Variants in SNW1 observed in about 807,000 individuals in gnomAD.
SNW1 encodes SNW domain containing 1.
A neutral mutation model predicts 75.6 loss-of-function variants in SNW1; 9 were observed. The ratio of observed to expected loss-of-function variants is 0.12; its 90% CI spans 0.07 to 0.21. SNW1 has a LOEUF of 0.21. Among genes scored for constraint, SNW1 ranks in the 10% least tolerant of loss-of-function variants. SNW1 has a pLI of 1.00. For missense variants in SNW1, 409 were observed against 670.9 expected, an observed-to-expected ratio of 0.61 and a Z score of 4.31; for synonymous variants, 200 against 219.1, an observed-to-expected ratio of 0.91 and a Z score of 0.77.
chr14:77,743,600 T>A (rs2080735913), intron 3 of SNW1, among the ~76,000 whole-genome samples: 1 of 152,200 alleles, frequency 6.6e-6, no homozygotes, highest in South Asian at 2.1e-4. Context: ...ACAAATTTTT[T>A]AAATCCTATT....
In SNW1 at chr14:77,717,814, T is replaced by G; in HGVS notation, c.*274A>C. 2 of 575,416 alleles carry G rather than the reference T, an allele frequency of 3.5e-6. No homozygotes were observed. The highest frequency in any genetic ancestry group is 6.1e-6 in the Non-Finnish European group (2 of 328,086). The allele number at this position is 575,416 out of a possible 1,614,324, so 35.6% of individuals were successfully genotyped here. A position where few individuals can be genotyped will look rare whatever the true frequency, so the allele number is the denominator to read the frequency against. On this transcript the variant is annotated 3_prime_UTR_variant, in exon 14 of 14. Coordinates refer to ENST00000261531, the MANE Select transcript of SNW1 (RefSeq NM_012245.3). ...TTAACCCCAAACTACTAGTGTCACA[T>G]AAAAGTAAGTGGTCTTGACTTTGTA...
chr14:77,718,257 G>A lies in SNW1; in HGVS notation c.1442C>T (p.Ser481Leu). ...RFVPDKEFSG[S>L]DRRQRGREGP... is the part of the protein sequence containing the mutation. ...TTCTCGGCCTCTCTGTCTACGGTCT[G>A]AACCAGAAAACTCCTTGTCGGGAAC... is the stretch of plus-strand genomic sequence containing the variant. The change falls in exon 14 of 14, where the codon TCA (serine) becomes TTA (leucine). Residue 481 changes from serine (S) to leucine (L), a missense_variant. Physicochemically the swap from Ser to Leu is moderately radical, Grantham distance 145. Around this residue, in one of 9 missense-constraint regions of SNW1, gnomAD observed 126 missense variants for 167.6 expected, o/e 0.75. Coordinates refer to ENST00000261531, the MANE Select transcript of SNW1 (RefSeq NM_012245.3). 1 of 1,613,608 alleles carries A rather than the reference G, an allele frequency of 6.2e-7. No homozygotes were observed. The highest frequency in any genetic ancestry group is 8.5e-7 in the Non-Finnish European group (1 of 1,179,722).
intron 7 of SNW1, among the ~76,000 whole-genome samples, chr14:77,735,623 A>G (rs546042617): frequency 3.9e-5 from 6 of 152,028 alleles, no homozygotes; most frequent in Non-Finnish European, 8.8e-5. Flanking sequence ...CTTTTGATTA[A>G]CAAAACATAT....
intron 3 of SNW1, among the ~76,000 whole-genome samples, chr14:77,747,733 C>T (rs1038327225): frequency 6.8e-6 from 1 of 147,238 alleles, no homozygotes; most frequent in South Asian, 2.1e-4. Context: ...CCGGCAGCCG[C>T]CCCGTCTGGG....
intron 11 of SNW1, among the ~76,000 whole-genome samples, 170 bp downstream of exon 11, chr14:77,723,011 C>T (rs375629232): frequency 6.6e-5 from 10 of 152,036 alleles, no homozygotes; most frequent in African/African-American, 2.2e-4. Flanking sequence ...CCATGCCCGG[C>T]TAATTTTTTG....
At chr14:77,747,105 G>C (rs1333308890) in intron 3 of SNW1, among the ~76,000 whole-genome samples, 1 of 152,194 alleles carries the variant, frequency 6.6e-6, no homozygotes, top group Non-Finnish European at 1.5e-5. Context: ...TTTTGGTGGA[G>C]ATGGGGTTTT....
intron 3 of SNW1, among the ~76,000 whole-genome samples, chr14:77,747,679 G>A (rs543848845): frequency 8.7e-5 from 13 of 150,078 alleles, no homozygotes; most frequent in African/African-American, 2.0e-4. Context: ...GACTCCGCCC[G>A]GCAGCCGCCC....
Position 77,718,279 on chromosome 14 carries a change from G to T in SNW1, c.1420C>A (p.Pro474Thr), listed in dbSNP as rs1169299309. 7.4e-6 allele frequency: 12 copies of T among 1,613,786 alleles called. No individual in the cohort carries two copies. Among genetic ancestry groups the T allele is most frequent in the South Asian group, 1.1e-5 (1 of 91,064 alleles). Residue 474 changes from proline (P) to threonine (T), a missense_variant, in exon 14 of 14, where the codon CCC becomes ACC. By Grantham distance (38) the Pro-to-Thr change is conservative. Coordinates refer to ENST00000261531, the MANE Select transcript of SNW1 (RefSeq NM_012245.3). The stretch of plus-strand genomic sequence containing the variant: ...TCTGAACCAGAAAACTCCTTGTCGG[G>T]AACAAATCTAAGGAAAAGGAGAAAA... ...EARIKTNRFV[P>T]DKEFSGSDRR... is the part of the protein sequence containing the mutation.
At chr14:77,724,554 C>T (rs1459706306) in intron 10 of SNW1, among the ~76,000 whole-genome samples, 1 of 152,240 alleles carries the variant, frequency 6.6e-6, no homozygotes, top group Non-Finnish European at 1.5e-5. Context: ...ATTCTACTCT[C>T]TGCTTCCTTG....
chr14:77,717,939 C>G lies in SNW1; in HGVS notation c.*149G>C, dbSNP rs1052226023. The G allele has an allele frequency of 1.4e-5, 9 of 637,870 alleles. No individual in the cohort carries two copies. In the African/African-American group the frequency reaches 1.8e-4, roughly 13 times the overall value. The allele number at this position is 637,870 out of a possible 1,614,324, so 39.5% of individuals were successfully genotyped here. ...AATAATTCAAAGTAGAATTTTCTAT[C>G]CCCCCCATTTCTCCAGTAATAAAAA... On this transcript the variant is annotated 3_prime_UTR_variant, in exon 14 of 14. Coordinates refer to ENST00000261531, the MANE Select transcript of SNW1 (RefSeq NM_012245.3).
chr14:77,730,934 A>G, intron 10 of SNW1, 54 bp downstream of exon 10: 1 of 1,570,600 alleles, frequency 6.4e-7, no homozygotes, highest in Non-Finnish European at 8.6e-7. Flanking sequence ...TTTCTAAAAT[A>G]AGATATATTT....
chr14:77,736,709 T>C (rs1408283178), intron 6 of SNW1, among the ~76,000 whole-genome samples: 1 of 152,176 alleles, frequency 6.6e-6, no homozygotes, highest in African/African-American at 2.4e-5. Context: ...AGTGAACATG[T>C]CTATCATCCC....
intron 3 of SNW1, among the ~76,000 whole-genome samples, chr14:77,740,135 T>TAAA (rs1170373918): frequency 0.032 from 2,082 of 65,048 alleles, 79 homozygotes; most frequent in Middle Eastern, 0.061. Context: ...CACTGTATAT[T>TAAA]AAAAAAAAAA....
intron 3 of SNW1, among the ~76,000 whole-genome samples, chr14:77,744,873 A>G (rs2080748299): frequency 6.6e-6 from 1 of 152,182 alleles, no homozygotes; most frequent in Non-Finnish European, 1.5e-5. Context: ...GAAGGCCTCC[A>G]TGGTATAGAG....
intron 10 of SNW1, among the ~76,000 whole-genome samples, chr14:77,724,542 C>T (rs1566826923): frequency 6.6e-6 from 1 of 152,242 alleles, no homozygotes; most frequent in Admixed American, 6.5e-5. Flanking sequence ...CTGGTAACCA[C>T]CATTCTACTC....
chr14:77,756,598 G>A (rs1347641059), intron 1 of SNW1, among the ~76,000 whole-genome samples: 1 of 152,084 alleles, frequency 6.6e-6, no homozygotes, highest in Non-Finnish European at 1.5e-5. Flanking sequence ...AAACTTAGAG[G>A]CCAGGCCAGC....
intron 3 of SNW1, among the ~76,000 whole-genome samples, chr14:77,750,907 CTA>C (rs773279639): frequency 1.8e-4 from 28 of 151,962 alleles, no homozygotes; most frequent in Non-Finnish European, 3.5e-4. Context: ...TGTAAGTACT[CTA>C]AGTACATGGA....
chr14:77,746,596 T>C (rs138815277), intron 3 of SNW1, among the ~76,000 whole-genome samples: 58 of 152,304 alleles, frequency 3.8e-4, no homozygotes, highest in African/African-American at 1.2e-3. Context: ...AACAAGATGT[T>C]TGTATGTGGA....
At chr14:77,723,049 G>A (rs975069730) in intron 11 of SNW1, 132 bp downstream of exon 11, 40 of 706,672 alleles carry the variant, frequency 5.7e-5, no homozygotes, top group East Asian at 3.9e-4. Flanking sequence ...GGGTTTCATC[G>A]TGTTAGCCAG....
Sources: allele counts gnomAD v4.1 joint callset (sites outside exome capture counted in the v4.1 genomes callset), GRCh38; gene constraint gnomAD v4.1.1; regional missense constraint gnomAD v4.1.1; transcripts MANE v1.5; gene names NCBI Gene and HGNC (gene_info 2026-07-23, HGNC 2026-07-21).